The following ZRSR2 variants were observed in gnomAD, a reference collection of about 807,000 sequenced individuals.
ZRSR2 encodes U2 small nuclear ribonucleoprotein auxiliary factor 35 kDa subunit-related protein 2.
A neutral mutation model predicts 39.4 loss-of-function variants in ZRSR2; 3 were observed. The ratio of observed to expected loss-of-function variants is 0.08; its 90% CI spans 0.03 to 0.20. ZRSR2 has a LOEUF of 0.20. Among genes scored for constraint, ZRSR2 ranks in the 10% least tolerant of loss-of-function variants. The pLI, the probability that ZRSR2 is intolerant of heterozygous loss-of-function variation, is 1.00. For missense variants in ZRSR2, 256 were observed against 391.5 expected (o/e 0.65, Z 2.92); for synonymous variants, 137 against 136.0 (o/e 1.01, Z -0.05).
At chrX:15,808,735 C>T (rs1255145625) in intron 6 of ZRSR2, among the ~76,000 whole-genome samples, 1 of 108,885 alleles carries the variant, frequency 9.2e-6, no homozygotes, top group African/African-American at 3.4e-5. Context: ...AACTCTCCTG[C>T]CCCAGCCTCC....
intron 3 of ZRSR2, among the ~76,000 whole-genome samples, chrX:15,802,616 C>T (rs1932707325): frequency 9.1e-6 from 1 of 110,232 alleles, no homozygotes; most frequent in African/African-American, 3.3e-5. Context: ...GCTGCCACCA[C>T]GCCTGGCTAA....
intron 3 of ZRSR2, among the ~76,000 whole-genome samples, chrX:15,802,029 A>G (rs1007654920): frequency 8.9e-6 from 1 of 112,176 alleles, no homozygotes; most frequent in Non-Finnish European, 1.9e-5. Flanking sequence ...AGATTTGTAA[A>G]TCAGAGTTGT....
In ZRSR2 at chrX:15,797,453, G is replaced by A. The variant is rs1351427021; in HGVS notation, c.122-2419G>A. 6.3e-5 allele frequency among the ~76,000 whole-genome samples: 7 copies of A among 110,799 alleles called. No homozygotes were observed. In the East Asian group the frequency reaches 8.4e-4, roughly 13 times the overall value. ...TCGAACTCCTGACCTCAGGTGATCC[G>A]CCCGCCTTGGCCTCCCAAAGTGCTG... On this transcript the variant is annotated intron_variant, in intron 2 of 10. Transcript: ENST00000307771.
rs1020836265 is a variant in ZRSR2 at position 15,804,361 on chromosome X, C to G, written c.399+164C>G. The G allele has an allele frequency of 6.1e-6, 3 of 492,178 alleles. No individual in the cohort carries two copies. In the African/African-American group the frequency reaches 7.9e-5, roughly 13 times the overall value. The allele number at this position is 492,178 out of a possible 1,213,427, so 40.6% of individuals were successfully genotyped here. ...AACACCAGAGTTCCCTTCTGATGCT[C>G]TTCTTCGGGTCCGTGCAGTGGCAGA... is the stretch of plus-strand genomic sequence containing the variant. On this transcript the variant is annotated intron_variant, in intron 5 of 10. Transcript: ENST00000307771.
chrX:15,790,531 A>G lies in ZRSR2; in HGVS notation c.36A>G (p.Lys12=). 1 of 1,161,077 alleles carries G rather than the reference A, an allele frequency of 8.6e-7. No homozygotes were observed. The highest frequency in any genetic ancestry group is 1.1e-6 in the Non-Finnish European group (1 of 871,498). The change falls in exon 1 of 11, where the codon AAA becomes AAG. Residue 12 remains lysine, a synonymous_variant. Transcript: ENST00000307771. Reference sequence around the variant, plus strand: ...CCGAGAAGATGACGTTTCCCGAGAAACCAAGGTAAGCGCCGTACGGGGAGA... The same window carrying G: ...CCGAGAAGATGACGTTTCCCGAGAAGCCAAGGTAAGCGCCGTACGGGGAGA... ...AAPEKMTFPE[K]PSHKKYRAAL... is the part of the protein sequence containing the mutation.
intron 7 of ZRSR2, among the ~76,000 whole-genome samples, chrX:15,812,489 G>T (rs1932902723): frequency 8.9e-6 from 1 of 111,943 alleles, no homozygotes; most frequent in South Asian, 3.6e-4. Flanking sequence ...AGCATCAGAG[G>T]AACACTTCCA....
intron 3 of ZRSR2, 46 bp from the exon 4 acceptor site, chrX:15,803,642 G>C: frequency 8.6e-7 from 1 of 1,160,690 alleles, no homozygotes; most frequent in Non-Finnish European, 1.2e-6. Flanking sequence ...TGTATTTGTG[G>C]ATTAATGCCC....
intron 3 of ZRSR2, among the ~76,000 whole-genome samples, chrX:15,803,119 C>G (rs1014494618): frequency 2.7e-5 from 3 of 109,205 alleles, no homozygotes; most frequent in Non-Finnish European, 5.7e-5. Flanking sequence ...AAAAATTAGC[C>G]TTGCGTGGTG....
In ZRSR2 at chrX:15,790,489, CG is replaced by C; in HGVS notation, c.-5del. ...CAGACCTGGAGGGGCGGGGCGGTGC[CG>C]GCAAGATGGCTGCGCCCGAGAAGAT... On this transcript the variant is annotated 5_prime_UTR_variant, in exon 1 of 11. Coordinates refer to ENST00000307771, the MANE Select transcript of ZRSR2 (RefSeq NM_005089.4). 8.6e-7 allele frequency: 1 copy of C among 1,161,177 alleles called. No individual in the cohort carries two copies. The highest frequency in any genetic ancestry group is 1.1e-6 in the Non-Finnish European group (1 of 871,053).
chrX:15,795,052 A>G (rs1161299670), intron 2 of ZRSR2, among the ~76,000 whole-genome samples: 1 of 106,823 alleles, frequency 9.4e-6, no homozygotes, highest in Non-Finnish European at 1.9e-5. Context: ...TCTTCAAGAT[A>G]TCTTGAGACC....
At chrX:15,806,583 C>T (rs779960449) in intron 5 of ZRSR2, among the ~76,000 whole-genome samples, 101 of 110,215 alleles carry the variant, frequency 9.2e-4, no homozygotes, top group African/African-American at 3.3e-3. Flanking sequence ...CCTGCTACCA[C>T]GCCCAGCTAA....
chrX:15,809,042 G>C (rs143880785), intron 6 of ZRSR2, among the ~76,000 whole-genome samples, 158 bp from the exon 7 acceptor site: 1,263 of 112,157 alleles, frequency 0.011, 49 homozygotes, highest in Admixed American at 0.08. Context: ...TCTCAGTACC[G>C]TTGTTTGTAA....
chrX:15,815,345 G>A (rs1306717385), intron 7 of ZRSR2, among the ~76,000 whole-genome samples: 1 of 112,581 alleles, frequency 8.9e-6, no homozygotes, highest in African/African-American at 3.2e-5. Flanking sequence ...TGCCCAAGCT[G>A]GAGTGCAATG....
chrX:15,794,542 A>C (rs1932386799), intron 2 of ZRSR2, among the ~76,000 whole-genome samples: 1 of 111,776 alleles, frequency 8.9e-6, no homozygotes, highest in Non-Finnish European at 1.9e-5. Flanking sequence ...AGGAGGAGAA[A>C]ATATATTTGC....
intron 1 of ZRSR2, 114 bp downstream of exon 1, chrX:15,790,650 TC>T: frequency 3.0e-6 from 3 of 1,009,403 alleles, no homozygotes; most frequent in Non-Finnish European, 4.0e-6. Flanking sequence ...CCGCGGCAGC[TC>T]CATTCCTTCC....
intron 2 of ZRSR2, among the ~76,000 whole-genome samples, chrX:15,796,520 T>A (rs1601807543): frequency 5.5e-5 from 2 of 36,164 alleles, no homozygotes; most frequent in African/African-American, 2.1e-4. Flanking sequence ...ATTGGATGCG[T>A]TTTTTTCCTT....
intron 3 of ZRSR2, among the ~76,000 whole-genome samples, chrX:15,800,311 C>G (rs182598082): frequency 3.7e-5 from 4 of 106,948 alleles, no homozygotes; most frequent in Non-Finnish European, 7.7e-5. Context: ...CTCAGCCTTC[C>G]GAGTAGCTGG....
intron 2 of ZRSR2, among the ~76,000 whole-genome samples, chrX:15,791,688 G>A (rs1445956374): frequency 1.1e-5 from 1 of 87,040 alleles, no homozygotes; most frequent in African/African-American, 4.6e-5. Context: ...ACGGAGTCTC[G>A]CTCTGTTGCC....
chrX:15,822,609 A>T (rs1933136297), intron 10 of ZRSR2, 122 bp from the exon 11 acceptor site: 3 of 1,129,647 alleles, frequency 2.7e-6, no homozygotes, highest in Non-Finnish European at 3.5e-6. Flanking sequence ...CCTTTTACAT[A>T]ATACACAGTA....
Sources: gnomAD v4.1 joint callset for allele counts (sites outside exome capture counted in the v4.1 genomes callset) on GRCh38, gnomAD v4.1.1 for gene constraint, MANE v1.5 for transcripts, NCBI Gene and HGNC (gene_info 2026-07-23, HGNC 2026-07-21) for gene names.